Variants in C2orf92 observed in about 807,000 individuals in gnomAD.
C2orf92 encodes uncharacterized protein C2orf92.
chr2:97,669,200 A>G (rs1573196470), upstream of C2orf92: 1 of 152,370 alleles, frequency 6.6e-6, no homozygotes, highest in Middle Eastern at 3.4e-3. Flanking sequence ...ACACGTGAGT[A>G]ACAAAATGGG....
intron 3 of C2orf92, among the ~76,000 whole-genome samples, chr2:97,681,905 A>G (rs994075744): frequency 2.0e-5 from 3 of 152,152 alleles, no homozygotes; most frequent in Non-Finnish European, 4.4e-5. Context: ...TTGTACACCT[A>G]AAGGAACTAG....
At chr2:97,667,355 C>T (rs1223353959), upstream of C2orf92, among the ~76,000 whole-genome samples, 2 of 148,268 alleles carry the variant, frequency 1.3e-5, no homozygotes, top group South Asian at 2.1e-4. Flanking sequence ...CTCCACCTGT[C>T]GGGTTCAGGC....
At chr2:97,690,206 T>C (rs1305327546) in intron 4 of C2orf92, 50 bp from the exon 5 acceptor site, 2 of 397,928 alleles carry the variant, frequency 5.0e-6, no homozygotes, top group Non-Finnish European at 8.9e-6. Context: ...AAATGTGTAC[T>C]GATGAATACC....
chr2:97,682,834 C>T (rs1675823087), intron 3 of C2orf92, among the ~76,000 whole-genome samples: 1 of 151,720 alleles, frequency 6.6e-6, no homozygotes, highest in African/African-American at 2.4e-5. Flanking sequence ...GTAATAAAAG[C>T]CTGTTTGAAA....
intron 3 of C2orf92, among the ~76,000 whole-genome samples, chr2:97,679,837 C>CAAAA (rs55696146): frequency 1.1e-5 from 1 of 94,742 alleles, no homozygotes. Context: ...AACTCTATCT[C>CAAAA]AAAAAAAAAA....
chr2:97,689,128 G>C, intron 4 of C2orf92, 135 bp downstream of exon 4: 1 of 394,606 alleles, frequency 2.5e-6, no homozygotes. Context: ...AGATATGAAG[G>C]AAACAACTGT....
At chr2:97,686,670 G>A (rs1028575324) in intron 3 of C2orf92, among the ~76,000 whole-genome samples, 4 of 150,890 alleles carry the variant, frequency 2.7e-5, no homozygotes, top group African/African-American at 7.3e-5. Context: ...TGCCCACCTC[G>A]GCCTCCCAAA....
intron 6 of C2orf92, among the ~76,000 whole-genome samples, chr2:97,699,992 C>T (rs1188732032): frequency 6.6e-6 from 1 of 152,224 alleles, no homozygotes; most frequent in Non-Finnish European, 1.5e-5. Context: ...TCTACATAAC[C>T]GGCTGCCCTG....
chr2:97,671,458 C>G (rs1345275249), intron 1 of C2orf92: 1 of 398,470 alleles, frequency 2.5e-6, no homozygotes. Flanking sequence ...GAATTTTCCT[C>G]AAATTCAAAA....
chr2:97,697,864 A>C (rs1023670114), intron 5 of C2orf92: 1 of 152,020 alleles, frequency 6.6e-6, no homozygotes, highest in Non-Finnish European at 1.5e-5. Context: ...AGTAGCTGGG[A>C]CTATAGGTGT....
intron 3 of C2orf92, among the ~76,000 whole-genome samples, chr2:97,683,538 T>TAAAAA (rs35099683): frequency 7.2e-6 from 1 of 138,346 alleles, no homozygotes; most frequent in Non-Finnish European, 1.5e-5. Flanking sequence ...TGGTATCTAT[T>TAAAAA]AAAAAAAAAA....
chr2:97,694,231 C>CCTTT lies in C2orf92; in HGVS notation c.403+3921_403+3924dup, dbSNP rs551839340. 1.1e-3 allele frequency among the ~76,000 whole-genome samples: 166 copies of CCTTT among 151,440 alleles called. 1 individual carries two copies. Among genetic ancestry groups the CCTTT allele is most frequent in the African/African-American group, 3.6e-3 (147 of 41,310 alleles). On this transcript the variant is annotated intron_variant, in intron 5 of 7. Transcript: ENST00000627399. Reference sequence around the variant, plus strand: ...CATGTTGTGGCATATTTCAAAATGTCCTTTCTTTCTTTCTTTCTTTTTTTT... The same window carrying CCTTT: ...CATGTTGTGGCATATTTCAAAATGTCCTTTCTTTCTTTCTTTCTTTCTTTTTTTT...
chr2:97,681,675 G>A (rs184258736), intron 3 of C2orf92, among the ~76,000 whole-genome samples: 360 of 152,268 alleles, frequency 2.4e-3, no homozygotes, highest in Middle Eastern at 3.4e-3. Flanking sequence ...TGGCTAACAC[G>A]GTGAAACCCT....
chr2:97,666,159 G>A (rs1675224871), upstream of C2orf92, among the ~76,000 whole-genome samples: 2 of 151,930 alleles, frequency 1.3e-5, no homozygotes, highest in Non-Finnish European at 2.9e-5. Flanking sequence ...TTTTGTCCTT[G>A]CAGGCATTAC....
At position 97,703,062 on chromosome 2, in the gene C2orf92, A is replaced by G; in HGVS notation, c.*261A>G. Reference sequence around the variant, plus strand: ...TAATAAAGCATTGATTCATTTTTTCAGTCATTCATTGAACAGATATTAATA... The same window carrying G: ...TAATAAAGCATTGATTCATTTTTTCGGTCATTCATTGAACAGATATTAATA... On this transcript the variant is annotated 3_prime_UTR_variant, in exon 8 of 8. Transcript: ENST00000627399. 1 of 310,162 alleles carries G rather than the reference A, an allele frequency of 3.2e-6. No individual in the cohort carries two copies. Among genetic ancestry groups the G allele is most frequent in the Non-Finnish European group, 5.8e-6 (1 of 171,400 alleles). 19.2% of individuals were successfully genotyped at this position (310,162 alleles called of 1,614,324 possible).
upstream of C2orf92, chr2:97,665,745 A>C (rs1217914385): frequency 0.038 from 1,230 of 32,730 alleles, 1 homozygote; most frequent in Non-Finnish European, 0.051. Flanking sequence ...CTCTATATAT[A>C]TATATATATA....
At position 97,674,427 on chromosome 2, in the gene C2orf92, TTAA is replaced by T. The variant is rs1559297117; in HGVS notation, c.47-28_47-26del. 6.5e-5 allele frequency: 26 copies of T among 398,618 alleles called. No individual in the cohort carries two copies. The East Asian group carries it at 9.3e-4, about 14-fold the overall frequency. The allele number at this position is 398,618 out of a possible 1,614,324, so 24.7% of individuals were successfully genotyped here. ...GGTACTTAGCAAAATATTGCTGATATTAACATGCCTTTGTTTGCTTCACTGGAG... is the reference window on the plus strand; with the variant it reads ...GGTACTTAGCAAAATATTGCTGATATCATGCCTTTGTTTGCTTCACTGGAG... On this transcript the variant is annotated intron_variant, in intron 1 of 7. Coordinates refer to ENST00000627399, the MANE Select transcript of C2orf92 (RefSeq NM_001351368.2).
chr2:97,663,951 G>T, upstream of C2orf92: 2 of 936,680 alleles, frequency 2.1e-6, no homozygotes, highest in Non-Finnish European at 1.4e-6. Flanking sequence ...ATGGGCGGGC[G>T]GGCGGGAGGA....
At chr2:97,681,015 G>A (rs1573210753) in intron 3 of C2orf92, among the ~76,000 whole-genome samples, 1 of 147,214 alleles carries the variant, frequency 6.8e-6, no homozygotes, top group East Asian at 2.0e-4. Flanking sequence ...GTTGAGGCAG[G>A]AGAATAACTT....
Sources: gnomAD v4.1 joint callset for allele counts (sites outside exome capture counted in the v4.1 genomes callset) on GRCh38, gnomAD v4.1.1 for gene constraint, MANE v1.5 for transcripts, NCBI Gene and HGNC (gene_info 2026-07-23, HGNC 2026-07-21) for gene names.